The following CSMD1 variants were observed in gnomAD, a reference collection of about 807,000 sequenced individuals.
CSMD1 encodes the protein CUB and Sushi multiple domains 1.
In CSMD1, 213 loss-of-function variants were observed where a neutral mutation model predicts 417.5. The observed-to-expected ratio is 0.51, with a 90% CI of 0.46 to 0.57. The LOEUF (loss-of-function observed/expected upper bound fraction) is 0.57. Among genes scored for constraint, CSMD1 ranks in the 20% least tolerant of loss-of-function variants. The pLI is 0.00. For missense variants in CSMD1, 6,923 were observed against 4,529.7 expected, an observed-to-expected ratio of 1.53 and a Z score of -15.17; for synonymous variants, 2,862 against 1,736.8, an observed-to-expected ratio of 1.65 and a Z score of -16.11.
intron 3 of CSMD1, among the ~76,000 whole-genome samples, chr8:4,220,948 C>T (rs185636308): frequency 2.0e-5 from 3 of 152,262 alleles, no homozygotes; most frequent in Admixed American, 6.5e-5. Flanking sequence ...TCACACCACA[C>T]GGTTGAGTGC....
intron 3 of CSMD1, among the ~76,000 whole-genome samples, chr8:4,051,414 A>G (rs142795054): frequency 1.4e-4 from 21 of 152,188 alleles, no homozygotes; most frequent in African/African-American, 5.1e-4. Flanking sequence ...AATGTAGTTA[A>G]ATCAGACCGC....
At chr8:4,442,663 T>C (rs567160004) in intron 2 of CSMD1, among the ~76,000 whole-genome samples, 1 of 152,326 alleles carries the variant, frequency 6.6e-6, no homozygotes, top group East Asian at 1.9e-4. Context: ...TAAAACTTCA[T>C]TGACTTTCCC....
chr8:4,667,447 A>T, intron 1 of CSMD1, among the ~76,000 whole-genome samples: 1 of 152,140 alleles, frequency 6.6e-6, no homozygotes, highest in Non-Finnish European at 1.5e-5. Flanking sequence ...TTAGAAAAAA[A>T]AAAAGAAACT....
chr8:3,981,181 G>T (rs1310937776), intron 5 of CSMD1, among the ~76,000 whole-genome samples: 2 of 152,080 alleles, frequency 1.3e-5, no homozygotes, highest in Non-Finnish European at 2.9e-5. Context: ...TCCAAGAATG[G>T]GTATCTCCAT....
chr8:4,603,837 G>A (rs886679309), intron 2 of CSMD1, among the ~76,000 whole-genome samples: 2 of 152,020 alleles, frequency 1.3e-5, no homozygotes, highest in Non-Finnish European at 2.9e-5. Context: ...AAATATTGAA[G>A]AATGATTTTT....
At chr8:4,856,022 G>A (rs1426586267) in intron 1 of CSMD1, among the ~76,000 whole-genome samples, 1 of 151,836 alleles carries the variant, frequency 6.6e-6, no homozygotes, top group East Asian at 1.9e-4. Context: ...GAGAAAGGTC[G>A]GGTTACCCTC....
chr8:3,454,030 C>T (rs937541877), intron 12 of CSMD1, among the ~76,000 whole-genome samples: 1 of 152,120 alleles, frequency 6.6e-6, no homozygotes, highest in African/African-American at 2.4e-5. Context: ...GGATAGTTAG[C>T]TCTTCTTGTT....
At chr8:3,381,227 G>C (rs1368015883) in intron 18 of CSMD1, among the ~76,000 whole-genome samples, 2 of 151,374 alleles carry the variant, frequency 1.3e-5, no homozygotes, top group African/African-American at 2.4e-5. Context: ...AAAACAACTT[G>C]ACAAGCCCCA....
chr8:3,867,850 A>T (rs1200669831), intron 5 of CSMD1, among the ~76,000 whole-genome samples: 1 of 152,084 alleles, frequency 6.6e-6, no homozygotes, highest in Admixed American at 6.6e-5. Context: ...TCCAGGATTG[A>T]AGAAGCATGG....
Position 3,615,026 on chromosome 8 carries a change from T to A in CSMD1, c.1097+1684A>T, listed in dbSNP as rs558753399. Among the ~76,000 whole-genome samples, 49 of 152,312 alleles carry A rather than the reference T, an allele frequency of 3.2e-4. No individual in the cohort carries two copies. In the South Asian group the frequency reaches 9.5e-3, roughly 30 times the overall value. On this transcript the variant is annotated intron_variant, in intron 8 of 69. Transcript: ENST00000635120. ...CCTTGGAAGAATGGGCAATTTTATT[T>A]CGTTGCTTTGTTTTCAAAAGAGATA...
intron 23 of CSMD1, among the ~76,000 whole-genome samples, chr8:3,337,145 G>A (rs1425893593): frequency 6.6e-6 from 1 of 152,016 alleles, no homozygotes; most frequent in Non-Finnish European, 1.5e-5. Flanking sequence ...ACTGAAAAGG[G>A]TTCAGTACAT....
chr8:3,848,564 G>A (rs1803669546), intron 5 of CSMD1, among the ~76,000 whole-genome samples: 1 of 152,092 alleles, frequency 6.6e-6, no homozygotes, highest in South Asian at 2.1e-4. Flanking sequence ...TTTCACCTTT[G>A]TGCTGCTCCT....
At chr8:4,334,561 T>C (rs149993925) in intron 3 of CSMD1, among the ~76,000 whole-genome samples, 8 of 152,254 alleles carry the variant, frequency 5.3e-5, no homozygotes, top group African/African-American at 4.8e-5. Context: ...GTATGAAAGA[T>C]TGATGGATGA....
intron 23 of CSMD1, among the ~76,000 whole-genome samples, chr8:3,330,813 A>G (rs2117538070): frequency 6.6e-6 from 1 of 152,318 alleles, no homozygotes; most frequent in African/African-American, 2.4e-5. Flanking sequence ...TTGCTCTCCC[A>G]TGGATATAGG....
chr8:4,281,593 G>A (rs867150433), intron 3 of CSMD1, among the ~76,000 whole-genome samples: 1 of 152,052 alleles, frequency 6.6e-6, no homozygotes. Flanking sequence ...TTGAATCTAA[G>A]AAGTATGTAT....
chr8:4,349,572 G>C (rs967834657), intron 3 of CSMD1, among the ~76,000 whole-genome samples: 8 of 152,048 alleles, frequency 5.3e-5, no homozygotes, highest in African/African-American at 1.9e-4. Context: ...GACATAGAAG[G>C]CTTCAACATT....
rs549388296 is a variant in CSMD1, at chr8:4,091,882, G to C, written c.416-59783C>G. 6.6e-5 allele frequency among the ~76,000 whole-genome samples: 10 copies of C among 152,298 alleles called. No homozygotes were observed. In the South Asian group the frequency reaches 2.1e-3, roughly 32 times the overall value. The stretch of plus-strand genomic sequence containing the variant: ...TTTTAACAAAATTAGACTCCGCATT[G>C]TAAGAACCGTACAGAGTTTTAAATA... On this transcript the variant is annotated intron_variant, in intron 3 of 69. Transcript: ENST00000635120.
At chr8:4,096,924 G>A (rs758367726) in intron 3 of CSMD1, among the ~76,000 whole-genome samples, 10 of 152,156 alleles carry the variant, frequency 6.6e-5, no homozygotes, top group Non-Finnish European at 2.9e-5. Flanking sequence ...TAATTGCAGA[G>A]CAAACACCCC....
At chr8:4,767,119 T>G (rs924185883) in intron 1 of CSMD1, among the ~76,000 whole-genome samples, 2 of 152,214 alleles carry the variant, frequency 1.3e-5, no homozygotes, top group Non-Finnish European at 2.9e-5. Context: ...TGATTTGGAT[T>G]TCGACAAAGC....
Sources: gnomAD v4.1 joint callset for allele counts (sites outside exome capture counted in the v4.1 genomes callset) on GRCh38, gnomAD v4.1.1 for gene constraint, MANE v1.5 for transcripts, NCBI Gene and HGNC (gene_info 2026-07-23, HGNC 2026-07-21) for gene names.